Variants in ABCC12 observed in about 807,000 individuals in gnomAD.
ABCC12 encodes the protein ATP-binding cassette sub-family C member 12.
A neutral mutation model predicts 151.1 loss-of-function variants in ABCC12; 142 were observed. The ratio of observed to expected loss-of-function variants is 0.94; its 90% confidence interval spans 0.82 to 1.08. The LOEUF is 1.08. Among genes scored for constraint, ABCC12 ranks in the 50% least tolerant of loss-of-function variants. The pLI is 0.00. For missense variants in ABCC12, 1,638 were observed against 1,691.1 expected, an observed-to-expected ratio of 0.97 and a Z score of 0.55; for synonymous variants, 645 against 646.4, an observed-to-expected ratio of 1.00 and a Z score of 0.03.
chr16:48,143,943 G>T lies in ABCC12; in HGVS notation c.242C>A (p.Ser81Ter). The T allele has an allele frequency of 6.2e-7, 1 of 1,614,108 alleles. No individual in the cohort carries two copies. Among genetic ancestry groups the T allele is most frequent in the Non-Finnish European group, 8.5e-7 (1 of 1,180,000 alleles). The change falls in exon 4 of 31, where the codon TCG becomes TAG. Residue 81 changes from serine to a stop codon, truncating the protein, a stop_gained. Transcript: ENST00000311303. LOFTEE classifies it high-confidence loss of function. The part of the protein sequence containing the change: ...RLTVDTLPPL[S>*]TYDSSDTNAK... ...ATTGGTGTCAGATGAGTCATATGTC[G>T]ACAATGGGGGCAGGGTGTCTACGGT...
intron 2 of ABCC12, 64 bp from the exon 3 acceptor site, chr16:48,146,538 T>C: frequency 1.2e-6 from 1 of 823,172 alleles, no homozygotes; most frequent in South Asian, 1.6e-5. Context: ...TCAGGCAGCC[T>C]CTACTTTACC....
At chr16:48,099,654 G>C (rs540738372) in intron 23 of ABCC12, among the ~76,000 whole-genome samples, 33 of 152,312 alleles carry the variant, frequency 2.2e-4, no homozygotes, top group African/African-American at 7.9e-4. Context: ...TGTGGCCAAG[G>C]AATGTGCAGA....
At chr16:48,146,605 C>T (rs1409794246) in intron 2 of ABCC12, 131 bp from the exon 3 acceptor site, 2 of 588,936 alleles carry the variant, frequency 3.4e-6, no homozygotes, top group Admixed American at 6.0e-5. Flanking sequence ...GAGCTTTCCA[C>T]ATTTGTAGGG....
At chr16:48,088,515 A>C in intron 26 of ABCC12, 30 bp downstream of exon 26, 1 of 1,600,222 alleles carries the variant, frequency 6.2e-7, no homozygotes, top group Non-Finnish European at 8.5e-7. Flanking sequence ...AAAACAACCC[A>C]AAAGAAACAA....
Position 48,139,313 on chromosome 16 carries a change from A to G in ABCC12, c.681T>C (p.Asp227=). 1 of 1,612,780 alleles carries G rather than the reference A, an allele frequency of 6.2e-7. No homozygotes were observed. The highest frequency in any genetic ancestry group is 8.5e-7 in the Non-Finnish European group (1 of 1,179,656). Residue 227 remains aspartate (D), a synonymous_variant, in exon 7 of 31, where the codon GAT becomes GAC. Transcript: ENST00000311303. ...AGGCAGCTTCAAACAAAGAATAGCT[A>G]TCACTTGACAGTATATTGAGCACCT... ...VGEVLNILSS[D]SYSLFEAALF... is the part of the protein sequence containing the mutation.
rs1404111564 is a variant in ABCC12, at chr16:48,124,422, G to A, written c.1516-138C>T. On this transcript the variant is annotated intron_variant, in intron 11 of 30. Transcript: ENST00000311303. Reference sequence around the variant, plus strand: ...TCACTGCAGGCTCTGGGGCATGGCAGCTGCAGCCACACCACCCTGGCCCAC... The same window carrying A: ...TCACTGCAGGCTCTGGGGCATGGCAACTGCAGCCACACCACCCTGGCCCAC... 6.4e-6 allele frequency: 5 copies of A among 784,606 alleles called. No individual in the cohort carries two copies. In the Admixed American group the frequency reaches 9.4e-5, roughly 15 times the overall value. 48.6% of individuals were successfully genotyped at this position (784,606 alleles called of 1,614,324 possible). A position where few individuals can be genotyped will look rare whatever the true frequency, so the allele number is the denominator to read the frequency against.
intron 24 of ABCC12, among the ~76,000 whole-genome samples, chr16:48,092,873 T>A (rs1460018884): frequency 6.6e-6 from 1 of 152,234 alleles, no homozygotes; most frequent in South Asian, 2.1e-4. Flanking sequence ...AAGAATGCTC[T>A]AGTAAGAAGC....
Position 48,104,355 on chromosome 16 carries a change from G to A in ABCC12, c.2687C>T (p.Pro896Leu), listed in dbSNP as rs777675940. The change falls in exon 22 of 31, where the codon CCA becomes CTA. Residue 896 changes from proline (P) to leucine (L), a missense_variant. Physicochemically the swap from Pro to Leu is moderately conservative, Grantham distance 98 (BLOSUM62 -3). Transcript: ENST00000311303. ...DTVFDKILKS[P>L]MSFFDTTPTG... ...GGGAGTCGTGTCAAAGAAACTCATTGGGCTCTTTAAGATCTGTGGAGAATG... is the reference window on the plus strand; with the variant it reads ...GGGAGTCGTGTCAAAGAAACTCATTAGGCTCTTTAAGATCTGTGGAGAATG... 6.2e-7 allele frequency: 1 copy of A among 1,614,162 alleles called. No homozygotes were observed. Among genetic ancestry groups the A allele is most frequent in the Admixed American group, 1.7e-5 (1 of 60,012 alleles).
At chr16:48,089,121 G>A (rs1256153401) in intron 25 of ABCC12, among the ~76,000 whole-genome samples, 2 of 152,184 alleles carry the variant, frequency 1.3e-5, no homozygotes, top group Non-Finnish European at 2.9e-5. Flanking sequence ...TGGGGGAATA[G>A]CTAGCACAAA....
intron 8 of ABCC12, among the ~76,000 whole-genome samples, chr16:48,137,133 C>T (rs1964637215): frequency 7.3e-6 from 1 of 137,768 alleles, no homozygotes; most frequent in Admixed American, 6.8e-5. Context: ...AGATGTCTTG[C>T]ATAGTCCAGG....
At chr16:48,123,363 A>C (rs1964135759) in intron 12 of ABCC12, among the ~76,000 whole-genome samples, 1 of 152,130 alleles carries the variant, frequency 6.6e-6, no homozygotes, top group Non-Finnish European at 1.5e-5. Context: ...GAACTCATCC[A>C]ATTCAGCCCC....
At chr16:48,100,607 A>G (rs1963269661) in intron 23 of ABCC12, among the ~76,000 whole-genome samples, 1 of 152,196 alleles carries the variant, frequency 6.6e-6, no homozygotes, top group Non-Finnish European at 1.5e-5. Context: ...ATCTTCCTGA[A>G]TCAAACACAT....
At chr16:48,133,885 CT>C (rs1252376905) in intron 8 of ABCC12, 50 bp from the exon 9 acceptor site, 1 of 1,606,688 alleles carries the variant, frequency 6.2e-7, no homozygotes, top group African/African-American at 1.3e-5. Context: ...ATGTCGAACA[CT>C]AGCATTATGA....
At chr16:48,126,193 C>T (rs1217831275) in intron 11 of ABCC12, among the ~76,000 whole-genome samples, 1 of 152,112 alleles carries the variant, frequency 6.6e-6, no homozygotes, top group African/African-American at 2.4e-5. Context: ...TTCAATGAAC[C>T]GGGGCATTAA....
At chr16:48,104,119 G>A (rs373725856) in intron 22 of ABCC12, 23 bp downstream of exon 22, 58 of 1,607,172 alleles carry the variant, frequency 3.6e-5, no homozygotes, top group African/African-American at 4.0e-5. Context: ...TCGTTTTCTC[G>A]TGTAAATAGC....
chr16:48,086,564 T>C (rs1391529762), intron 28 of ABCC12, 177 bp downstream of exon 28: 1 of 604,074 alleles, frequency 1.7e-6, no homozygotes, highest in Non-Finnish European at 3.0e-6. Flanking sequence ...TAGAGCCCTA[T>C]TGTTGCTTTT....
At chr16:48,110,493 G>A (rs745313123) in intron 18 of ABCC12, among the ~76,000 whole-genome samples, 1 of 152,128 alleles carries the variant, frequency 6.6e-6, no homozygotes, top group Non-Finnish European at 1.5e-5. Flanking sequence ...AGTCCTCTCT[G>A]TGTCCAGCAT....
At chr16:48,132,159 A>T (rs1964448664) in intron 9 of ABCC12, among the ~76,000 whole-genome samples, 1 of 152,234 alleles carries the variant, frequency 6.6e-6, no homozygotes, top group African/African-American at 2.4e-5. Context: ...GGAGGAAAAA[A>T]ATAGTTTTCT....
At chr16:48,126,028 C>T (rs1964226993) in intron 11 of ABCC12, among the ~76,000 whole-genome samples, 1 of 152,190 alleles carries the variant, frequency 6.6e-6, no homozygotes, top group South Asian at 2.1e-4. Context: ...ATGCTGCATT[C>T]CCATTTGCCT....
Sources: allele counts gnomAD v4.1 joint callset (sites outside exome capture counted in the v4.1 genomes callset), GRCh38; gene constraint gnomAD v4.1.1; transcripts MANE v1.5; gene names NCBI Gene and HGNC (gene_info 2026-07-23, HGNC 2026-07-21).